HERC1: variants seen among roughly 807,000 people sequenced by gnomAD.
HERC1 encodes the protein probable E3 ubiquitin-protein ligase HERC1.
In HERC1, 160 loss-of-function variants were observed where a neutral mutation model predicts 554.3. The ratio of observed to expected loss-of-function variants is 0.29; its 90% CI spans 0.25 to 0.33. The LOEUF (loss-of-function observed/expected upper bound fraction) is 0.33, where lower values mean the gene tolerates loss of function less well. Ranked by LOEUF, HERC1 falls within the 10% of genes least tolerant of loss-of-function variation. HERC1 has a pLI of 1.00. For synonymous variants in HERC1, 2,175 were observed against 2,131.7 expected, an observed-to-expected ratio of 1.02 and a Z score of -0.56; for missense variants, 4,919 against 5,918.5, an observed-to-expected ratio of 0.83 and a Z score of 5.54.
intron 5 of HERC1, 74 bp from the exon 6 acceptor site, chr15:63,755,399 A>G (rs1310525437): frequency 2.7e-6 from 3 of 1,124,428 alleles, no homozygotes; most frequent in Admixed American, 1.9e-5. Context: ...TCCTATACAC[A>G]GAGACTTCAC....
intron 1 of HERC1, among the ~76,000 whole-genome samples, chr15:63,785,929 C>T (rs780648878): frequency 2.3e-4 from 35 of 152,176 alleles, no homozygotes; most frequent in Admixed American, 1.2e-3. Flanking sequence ...TGGTCTCAAA[C>T]TCCTGGACTC....
chr15:63,704,149 C>T (rs1450866536), intron 25 of HERC1, among the ~76,000 whole-genome samples: 1 of 151,874 alleles, frequency 6.6e-6, no homozygotes, highest in Non-Finnish European at 1.5e-5. Context: ...CATTTAAAAG[C>T]AAAACAAAAA....
chr15:63,686,374 C>T lies in HERC1; in HGVS notation c.6210G>A (p.Gly2070=), dbSNP rs768931663. ...TTCTACGTACCTTCCACTGATAGCACCCAGAAGTTACTCCTGTAGATGCCA... is the reference window on the plus strand; with the variant it reads ...TTCTACGTACCTTCCACTGATAGCATCCAGAAGTTACTCCTGTAGATGCCA... ...YGLASTGVTS[G]CYQWKFYIVK... Residue 2070 remains glycine, a synonymous_variant, in exon 34 of 78, where the codon GGG becomes GGA. Transcript: ENST00000443617. 3 of 1,608,554 alleles carry T rather than the reference C, an allele frequency of 1.9e-6. No homozygotes were observed. In the East Asian group the frequency reaches 6.7e-5, roughly 36 times the overall value.
intron 26 of HERC1, among the ~76,000 whole-genome samples, chr15:63,697,798 A>C (rs1039135149): frequency 6.6e-5 from 10 of 152,158 alleles, no homozygotes; most frequent in Non-Finnish European, 1.5e-4. Flanking sequence ...AGGTTTCTGC[A>C]ATGTGAAGTT....
chr15:63,621,358 T>G (rs1390638528), intron 74 of HERC1, among the ~76,000 whole-genome samples: 91 of 152,032 alleles, frequency 6.0e-4, no homozygotes, highest in Admixed American at 1.8e-3. Flanking sequence ...TCTGCCGAGA[T>G]ATCTGCTGTT....
chr15:63,730,742 T>C (rs2074255830), intron 14 of HERC1, among the ~76,000 whole-genome samples: 1 of 152,258 alleles, frequency 6.6e-6, no homozygotes, highest in Non-Finnish European at 1.5e-5. Flanking sequence ...GCCAGCCATC[T>C]GCAATTTACT....
Position 63,718,579 on chromosome 15 carries a change from T to G in HERC1, c.3973A>C (p.Arg1325=), listed in dbSNP as rs759567034. The change falls in exon 21 of 78, where the codon AGA becomes CGA. Residue 1325 remains arginine (R), a synonymous_variant. Coordinates refer to ENST00000443617, the MANE Select transcript of HERC1 (RefSeq NM_003922.4). This position sits in a 1 kb window ranked among gnomAD's most constrained non-coding sequence, Gnocchi z 4.2. ...TAATTGATTTCAAACTTTACCCATC[T>G]GTCCCGTGATGATGACCTTGTTTGA... is the stretch of plus-strand genomic sequence containing the variant. ...LIQTRSSSRD[R]WISENQDSAD... 1.3e-6 allele frequency: 2 copies of G among 1,569,600 alleles called. No individual in the cohort carries two copies. Among genetic ancestry groups the G allele is most frequent in the South Asian group, 1.2e-5 (1 of 85,180 alleles).
chr15:63,641,245 C>G (rs2152840724), intron 60 of HERC1, among the ~76,000 whole-genome samples: 1 of 152,284 alleles, frequency 6.6e-6, no homozygotes, highest in African/African-American at 2.4e-5. Context: ...GTAATACAAA[C>G]TTGGTGTTTG....
In HERC1 at chr15:63,692,301, A is replaced by G; in HGVS notation, c.5830+110T>C. 1 of 787,756 alleles carries G rather than the reference A, an allele frequency of 1.3e-6. No homozygotes were observed. Among genetic ancestry groups the G allele is most frequent in the Non-Finnish European group, 1.9e-6 (1 of 526,340 alleles). The allele number at this position is 787,756 out of a possible 1,614,324, so 48.8% of individuals were successfully genotyped here. A position where few individuals can be genotyped will look rare whatever the true frequency, so the allele number is the denominator to read the frequency against. On this transcript the variant is annotated intron_variant, in intron 31 of 77. Transcript: ENST00000443617. The surrounding 1 kb of genome is among the most constrained non-coding windows in gnomAD (Gnocchi z 4.7). ...TAGGTACGCAGAAAATAAGAAAGAA[A>G]AGCCTTCAAATCAAGGTTACACATG...
Position 63,626,068 on chromosome 15 carries a change from G to A in HERC1, c.13192C>T (p.Arg4398Trp), listed in dbSNP as rs765021229. Residue 4398 changes from arginine to tryptophan, a missense_variant, in exon 71 of 78, where the codon CGG becomes TGG. Coordinates refer to ENST00000443617, the MANE Select transcript of HERC1 (RefSeq NM_003922.4). ...TGGTAGAGCAGCCGGAGCCTGGCCCGCACCGTGTGAATGCTGACTTCTCTC... is the reference window on the plus strand; with the variant it reads ...TGGTAGAGCAGCCGGAGCCTGGCCCACACCGTGTGAATGCTGACTTCTCTC... ...ALREVSIHTV[R>W]ARLRLLYHFS... 7 of 1,613,062 alleles carry A rather than the reference G, an allele frequency of 4.3e-6. No individual in the cohort carries two copies. Among genetic ancestry groups the A allele is most frequent in the African/African-American group, 1.3e-5 (1 of 74,912 alleles).
At chr15:63,666,878 G>A (rs2070669081) in intron 40 of HERC1, among the ~76,000 whole-genome samples, 1 of 152,186 alleles carries the variant, frequency 6.6e-6, no homozygotes. Context: ...ACAAGGTGAT[G>A]CTCTGCCTTC....
At chr15:63,776,469 T>C (rs187474867) in intron 1 of HERC1, among the ~76,000 whole-genome samples, 9 of 152,316 alleles carry the variant, frequency 5.9e-5, no homozygotes, top group East Asian at 1.9e-4. Context: ...AAACGAAACA[T>C]ATATCTAACC....
chr15:63,789,483 A>G (rs1596260605), intron 1 of HERC1, among the ~76,000 whole-genome samples: 1 of 152,024 alleles, frequency 6.6e-6, no homozygotes, highest in African/African-American at 2.4e-5. Flanking sequence ...AAGAGTGCCC[A>G]CTTGTCACCA....
intron 74 of HERC1, 96 bp downstream of exon 74, chr15:63,622,719 C>A: frequency 1.2e-6 from 1 of 840,952 alleles, no homozygotes; most frequent in Non-Finnish European, 1.8e-6. Flanking sequence ...AGGTGTAAAG[C>A]ACTTAAAACA....
In HERC1 at chr15:63,758,355, A is replaced by G; in HGVS notation, c.1041T>C (p.Ala347=). ...TAGCACATGTTCTCGAATAATCAGA[A>G]GCCATTCTGCAAACCTATTAAAAAT... ...LCLFEEVCRM[A]SDYSRTCASP... is the part of the protein sequence containing the mutation. The change falls in exon 4 of 78, where the codon GCT becomes GCC. Residue 347 remains alanine, a synonymous_variant. Transcript: ENST00000443617. This position sits in a 1 kb window ranked among gnomAD's most constrained non-coding sequence, Gnocchi z 4.0. 1 of 1,588,998 alleles carries G rather than the reference A, an allele frequency of 6.3e-7. No homozygotes were observed. Among genetic ancestry groups the G allele is most frequent in the Non-Finnish European group, 8.6e-7 (1 of 1,159,698 alleles).
At position 63,826,784 on chromosome 15, in the gene HERC1, TAAAAAAAAAA is replaced by T. The variant is rs71456333; in HGVS notation, c.-27+7033_-27+7042del. Among the ~76,000 whole-genome samples the T allele has an allele frequency of 8.4e-4, 31 of 37,078 alleles. No homozygotes were observed. In the East Asian group the frequency reaches 0.013, roughly 16 times the overall value. The allele number at this position is 37,078 out of a possible 152,430, so 24.3% of individuals were successfully genotyped here. On this transcript the variant is annotated intron_variant, in intron 1 of 77. Transcript: ENST00000443617. ...TATTCTTTTAATCACTTATCTCTGG[TAAAAAAAAAA>T]AAAAAAAAAAAAAAAAAAAAATATA... is the stretch of plus-strand genomic sequence containing the variant.
chr15:63,725,275 G>A lies in HERC1; in HGVS notation c.3568+17C>T, dbSNP rs756803786. 7 of 1,602,408 alleles carry A rather than the reference G, an allele frequency of 4.4e-6. No individual in the cohort carries two copies. Among genetic ancestry groups the A allele is most frequent in the African/African-American group, 1.3e-5 (1 of 74,802 alleles). ...CAAACAGGCATGTATTTTAAATGCT[G>A]CAGAGAAGCACATTACCCAATTGAG... is the stretch of plus-strand genomic sequence containing the variant. On this transcript the variant is annotated intron_variant, in intron 18 of 77. Transcript: ENST00000443617.
chr15:63,645,107 AT>A lies in HERC1; in HGVS notation c.11079-11del. Reference sequence around the variant, plus strand: ...GCCACTCTGACAGCCACTTAAAAAAATTGATCACATAAAACCAAAACATGTC... The same window carrying A: ...GCCACTCTGACAGCCACTTAAAAAAATGATCACATAAAACCAAAACATGTC... On this transcript the variant is annotated splice_polypyrimidine_tract_variant and intron_variant, in intron 56 of 77. Coordinates refer to ENST00000443617, the MANE Select transcript of HERC1 (RefSeq NM_003922.4). The A allele has an allele frequency of 6.2e-7, 1 of 1,609,648 alleles. No individual in the cohort carries two copies. The highest frequency in any genetic ancestry group is 8.5e-7 in the Non-Finnish European group (1 of 1,176,086).
chr15:63,828,269 G>A (rs1567170283), intron 1 of HERC1, among the ~76,000 whole-genome samples: 1 of 151,592 alleles, frequency 6.6e-6, no homozygotes, highest in Non-Finnish European at 1.5e-5. Flanking sequence ...GCAAGAGGTA[G>A]AAACAAAGAT....
Sources: allele counts gnomAD v4.1 joint callset (sites outside exome capture counted in the v4.1 genomes callset), GRCh38; gene constraint gnomAD v4.1.1; non-coding constraint Gnocchi (gnomAD v3.1); transcripts MANE v1.5; gene names NCBI Gene and HGNC (gene_info 2026-07-23, HGNC 2026-07-21).